AGMO: variants seen among roughly 807,000 people sequenced by gnomAD.
The protein encoded by AGMO is alkylglycerol monooxygenase.
In AGMO, 75 loss-of-function variants were observed where a neutral mutation model predicts 60.2. The observed-to-expected ratio is 1.25, with a 90% CI of 1.03 to 1.51. The LOEUF is 1.51. Among genes scored for constraint, AGMO ranks in the 40% most tolerant of loss-of-function variants. The probability of loss-of-function intolerance (pLI) is 0.00; values close to 1 mark genes in which losing one functional copy is unlikely to be tolerated. For synonymous variants in AGMO, 261 were observed against 177.1 expected (o/e 1.47, Z -3.76); for missense variants, 763 against 525.5 (o/e 1.45, Z -4.42).
chr7:15,317,898 CACACACACGTATATATATAT>C (rs1354907587), intron 12 of AGMO, among the ~76,000 whole-genome samples: 4 of 144,656 alleles, frequency 2.8e-5, no homozygotes, highest in South Asian at 4.3e-4. Context: ...TATATATATA[CACACACACGTATATATATAT>C]ACACACACGT....
At chr7:15,414,364 G>A (rs935308103) in intron 5 of AGMO, among the ~76,000 whole-genome samples, 32 of 152,154 alleles carry the variant, frequency 2.1e-4, no homozygotes, top group African/African-American at 7.0e-4. Context: ...GGTTGGGAGG[G>A]CTTAGATTGA....
At chr7:15,262,801 C>T (rs1054068276) in intron 12 of AGMO, among the ~76,000 whole-genome samples, 5 of 151,908 alleles carry the variant, frequency 3.3e-5, no homozygotes, top group African/African-American at 7.2e-5. Context: ...AACTGATCTT[C>T]GACAAAGCAT....
chr7:15,432,379 T>TATATATATATATATACATAC (rs373845365), intron 3 of AGMO, among the ~76,000 whole-genome samples: 12 of 136,188 alleles, frequency 8.8e-5, no homozygotes, highest in African/African-American at 3.4e-4. Context: ...CATATATATA[T>TATATATATATATATACATAC]ACACTATCTG....
At chr7:15,487,693 C>G (rs1030229972) in intron 3 of AGMO, among the ~76,000 whole-genome samples, 1 of 152,030 alleles carries the variant, frequency 6.6e-6, no homozygotes, top group African/African-American at 2.4e-5. Flanking sequence ...TTAATCCCAT[C>G]TTTTGCTTTA....
At chr7:15,548,260 TCTC>T (rs1210216110) in intron 2 of AGMO, among the ~76,000 whole-genome samples, 1 of 151,912 alleles carries the variant, frequency 6.6e-6, no homozygotes, top group African/African-American at 2.4e-5. Context: ...GCAGAGCACC[TCTC>T]CTCCTCCAAA....
At chr7:15,520,934 A>T (rs1230499439) in intron 3 of AGMO, among the ~76,000 whole-genome samples, 1 of 151,902 alleles carries the variant, frequency 6.6e-6, no homozygotes, top group Non-Finnish European at 1.5e-5. Flanking sequence ...AAGATTAACA[A>T]AATAGACTGG....
chr7:15,271,157 GT>G (rs1179028451), intron 12 of AGMO, among the ~76,000 whole-genome samples: 1 of 151,990 alleles, frequency 6.6e-6, no homozygotes, highest in Admixed American at 6.6e-5. Context: ...TTTTGGCTCT[GT>G]TTGGGTTCCA....
At chr7:15,268,095 T>C (rs895341271) in intron 12 of AGMO, among the ~76,000 whole-genome samples, 10 of 152,038 alleles carry the variant, frequency 6.6e-5, no homozygotes, top group African/African-American at 2.2e-4. Context: ...TACCAAGAGT[T>C]ATTAATTCTG....
chr7:15,553,692 A>G (rs1011742748), intron 2 of AGMO, among the ~76,000 whole-genome samples: 1 of 152,150 alleles, frequency 6.6e-6, no homozygotes, highest in Non-Finnish European at 1.5e-5. Context: ...GGTCCTAGAA[A>G]AACTTCCATT....
At chr7:15,488,917 T>C (rs1026000833) in intron 3 of AGMO, among the ~76,000 whole-genome samples, 25 of 37,306 alleles carry the variant, frequency 6.7e-4, no homozygotes, top group Non-Finnish European at 2.4e-3. Flanking sequence ...TTTGATAAAC[T>C]GTGTGTTGAG....
chr7:15,134,208 G>A, the AGMO span, among the ~76,000 whole-genome samples: 1 of 151,924 alleles, frequency 6.6e-6, no homozygotes, highest in South Asian at 2.1e-4. Context: ...TCTCACCCAG[G>A]CTGGAGTACA....
At chr7:15,315,553 G>A (rs1217279912) in intron 12 of AGMO, among the ~76,000 whole-genome samples, 1 of 151,828 alleles carries the variant, frequency 6.6e-6, no homozygotes, top group African/African-American at 2.4e-5. Flanking sequence ...GGTCAGGATG[G>A]TCTCGATCTC....
chr7:15,168,367 C>T, the AGMO span, among the ~76,000 whole-genome samples: 4,504 of 152,174 alleles, frequency 0.03, 103 homozygotes, highest in Non-Finnish European at 0.042. Context: ...GCTTTATAGC[C>T]CTGTAATACA....
chr7:15,220,340 C>T (rs934273701), intron 12 of AGMO, among the ~76,000 whole-genome samples: 1 of 151,378 alleles, frequency 6.6e-6, no homozygotes, highest in East Asian at 1.9e-4. Context: ...CTGCCTCAGC[C>T]TCCCAAGTGG....
At chr7:15,274,513 G>A (rs1454386672) in intron 12 of AGMO, among the ~76,000 whole-genome samples, 1 of 152,040 alleles carries the variant, frequency 6.6e-6, no homozygotes, top group Non-Finnish European at 1.5e-5. Context: ...GCTGGATTTG[G>A]TTTGATTGGT....
At chr7:15,406,872 CAA>C (rs2128491257) in intron 5 of AGMO, among the ~76,000 whole-genome samples, 1 of 120,158 alleles carries the variant, frequency 8.3e-6, no homozygotes, top group South Asian at 2.7e-4. Context: ...TTGTTAGTGA[CAA>C]CGGTGCCAGT....
intron 12 of AGMO, among the ~76,000 whole-genome samples, chr7:15,256,780 T>C (rs866708805): frequency 1.2e-4 from 19 of 152,182 alleles, no homozygotes; most frequent in East Asian, 1.9e-4. Context: ...CTAAACCATA[T>C]AGCCAGGTGT....
At chr7:15,517,354 A>G (rs1783844503) in intron 3 of AGMO, among the ~76,000 whole-genome samples, 1 of 150,886 alleles carries the variant, frequency 6.6e-6, no homozygotes, top group African/African-American at 2.4e-5. Flanking sequence ...TTTTTTTATT[A>G]AGGCACCCAG....
intron 12 of AGMO, among the ~76,000 whole-genome samples, chr7:15,259,096 G>A (rs190074115): frequency 4.8e-4 from 73 of 152,024 alleles, no homozygotes; most frequent in Middle Eastern, 3.4e-3. Flanking sequence ...TCAGAAAGTC[G>A]ATTACAAAGC....
Sources: gnomAD v4.1 joint callset for allele counts (sites outside exome capture counted in the v4.1 genomes callset) on GRCh38, gnomAD v4.1.1 for gene constraint, MANE v1.5 for transcripts, NCBI Gene and HGNC (gene_info 2026-07-23, HGNC 2026-07-21) for gene names.